Variants in PTPRD observed in about 807,000 individuals in gnomAD.
The protein encoded by PTPRD is protein tyrosine phosphatase receptor type D.
In PTPRD, 34 loss-of-function variants were observed where a neutral mutation model predicts 214.5. The observed-to-expected ratio is 0.16, with a 90% CI of 0.12 to 0.21. The LOEUF (loss-of-function observed/expected upper bound fraction) is 0.21, where lower values mean the gene tolerates loss of function less well. Ranked by LOEUF, PTPRD falls within the 10% of genes least tolerant of loss-of-function variation. The pLI, the probability that PTPRD is intolerant of heterozygous loss-of-function variation, is 1.00. For synonymous variants in PTPRD, 1,128 were observed against 845.7 expected (o/e 1.33, Z -5.79); for missense variants, 2,545 against 2,398.7 (o/e 1.06, Z -1.27).
chr9:10,405,135 C>G (rs1421802290), intron 2 of PTPRD, among the ~76,000 whole-genome samples: 1 of 151,522 alleles, frequency 6.6e-6, no homozygotes, highest in Non-Finnish European at 1.5e-5. Context: ...CAGGCAAGTC[C>G]TAAAGAAACT....
At chr9:10,357,833 T>C (rs1434137834) in intron 2 of PTPRD, among the ~76,000 whole-genome samples, 1 of 152,194 alleles carries the variant, frequency 6.6e-6, no homozygotes. Context: ...AAATGCCTTG[T>C]GATCAAAACC....
intron 9 of PTPRD, among the ~76,000 whole-genome samples, chr9:9,203,324 G>T (rs556501467): frequency 1.2e-4 from 19 of 152,114 alleles, no homozygotes; most frequent in Middle Eastern, 3.4e-3. Context: ...TGGAGTCAGG[G>T]CCACAAAACT....
chr9:9,886,878 T>A (rs1383973280), intron 5 of PTPRD, among the ~76,000 whole-genome samples: 1 of 152,110 alleles, frequency 6.6e-6, no homozygotes, highest in African/African-American at 2.4e-5. Context: ...TTAGACTACA[T>A]GGACATAGAA....
At chr9:10,395,248 C>T (rs977614717) in intron 2 of PTPRD, among the ~76,000 whole-genome samples, 6 of 151,410 alleles carry the variant, frequency 4.0e-5, no homozygotes, top group Admixed American at 3.3e-4. Context: ...CTATCCCTCC[C>T]CCATCCCCCC....
intron 34 of PTPRD, among the ~76,000 whole-genome samples, chr9:8,437,720 G>A (rs563541862): frequency 1.1e-4 from 16 of 152,296 alleles, no homozygotes; most frequent in Admixed American, 9.8e-4. Flanking sequence ...TGGATTCAGG[G>A]AAGTGAGCAA....
chr9:10,135,564 G>A (rs1162009116), intron 3 of PTPRD, among the ~76,000 whole-genome samples: 2 of 152,038 alleles, frequency 1.3e-5, no homozygotes, highest in Non-Finnish European at 2.9e-5. Context: ...GGAAAGATGG[G>A]GGTCTATATT....
At chr9:9,602,851 G>A (rs1325391768) in intron 7 of PTPRD, among the ~76,000 whole-genome samples, 1 of 152,044 alleles carries the variant, frequency 6.6e-6, no homozygotes, top group Non-Finnish European at 1.5e-5. Flanking sequence ...ATTCCCTCAA[G>A]CTATGTCTAT....
intron 9 of PTPRD, among the ~76,000 whole-genome samples, chr9:9,221,424 C>A (rs974918308): frequency 6.6e-6 from 1 of 151,992 alleles, no homozygotes; most frequent in African/African-American, 2.4e-5. Context: ...TGGGCTGCCA[C>A]AACATAATAT....
rs147416391 is a variant in PTPRD at position 8,405,820 on chromosome 9, T to C, written c.4087-1160A>G. 4.5e-3 allele frequency among the ~76,000 whole-genome samples: 682 copies of C among 152,238 alleles called. 5 individuals carry two copies. The highest frequency in any genetic ancestry group is 0.016 in the African/African-American group (656 of 41,546). On this transcript the variant is annotated intron_variant, in intron 35 of 45. Transcript: ENST00000381196. ...TTGATGCCGGGTATTTTTCATGCCT[T>C]TATGTGTATATGTAGAAGTTGGGAG...
At chr9:9,151,980 G>A (rs1467352393) in intron 10 of PTPRD, among the ~76,000 whole-genome samples, 2 of 152,198 alleles carry the variant, frequency 1.3e-5, no homozygotes, top group South Asian at 4.1e-4. Context: ...TTGATTTGGA[G>A]TTTGTTGCTT....
chr9:9,033,078 G>A (rs956913316), intron 10 of PTPRD, among the ~76,000 whole-genome samples: 17 of 152,034 alleles, frequency 1.1e-4, no homozygotes, highest in Admixed American at 2.6e-4. Context: ...ATGGAGATGC[G>A]TTTGTATGCT....
intron 11 of PTPRD, among the ~76,000 whole-genome samples, chr9:8,946,599 A>T (rs186655910): frequency 8.6e-4 from 131 of 152,272 alleles, no homozygotes; most frequent in Admixed American, 2.5e-3. Flanking sequence ...TCTATCCCCA[A>T]GGAAGTGGAG....
intron 8 of PTPRD, among the ~76,000 whole-genome samples, chr9:9,525,545 T>A (rs1165883782): frequency 6.6e-6 from 1 of 152,172 alleles, no homozygotes; most frequent in Middle Eastern, 3.2e-3. Flanking sequence ...GAATAAATTA[T>A]TAATAATACT....
rs142765079 is a variant in PTPRD, at chr9:8,477,796, T to C, written c.3413+6323A>G. On this transcript the variant is annotated intron_variant, in intron 30 of 45. Transcript: ENST00000381196. ...CTTCTTTTGGAGTTTTAATCAGTTATCAATTGACCTAGGAAAAAAAAAAAT... is the reference window on the plus strand; with the variant it reads ...CTTCTTTTGGAGTTTTAATCAGTTACCAATTGACCTAGGAAAAAAAAAAAT... 5.2e-3 allele frequency among the ~76,000 whole-genome samples: 792 copies of C among 152,106 alleles called. 6 individuals are homozygous for C. The highest frequency in any genetic ancestry group is 0.018 in the African/African-American group (751 of 41,446).
intron 5 of PTPRD, among the ~76,000 whole-genome samples, chr9:9,820,053 G>C (rs1316010047): frequency 6.6e-6 from 1 of 152,144 alleles, no homozygotes; most frequent in African/African-American, 2.4e-5. Context: ...TGTTCTTTGA[G>C]AAGTCTCCAA....
chr9:10,461,672 G>C (rs537995100), intron 2 of PTPRD, among the ~76,000 whole-genome samples: 43 of 150,652 alleles, frequency 2.9e-4, no homozygotes, highest in Non-Finnish European at 5.2e-4. Flanking sequence ...TCCCAGGCTG[G>C]AGTGCAGTGG....
At chr9:10,504,829 C>T (rs2045353949) in intron 2 of PTPRD, among the ~76,000 whole-genome samples, 6 of 152,198 alleles carry the variant, frequency 3.9e-5, no homozygotes, top group Admixed American at 6.5e-5. Context: ...CACATGCCTT[C>T]TCCCTGCCAA....
At chr9:9,343,052 G>T (rs1280198527) in intron 9 of PTPRD, among the ~76,000 whole-genome samples, 7 of 152,166 alleles carry the variant, frequency 4.6e-5, no homozygotes, top group African/African-American at 1.7e-4. Context: ...TCCCTGCAAA[G>T]GACATGAACT....
intron 12 of PTPRD, chr9:8,713,236 T>C (rs1001288225): frequency 5.4e-5 from 33 of 616,090 alleles, no homozygotes; most frequent in Admixed American, 1.4e-4. Flanking sequence ...GCTCCTAAAC[T>C]GAGTCTCCAA....
Sources: gnomAD v4.1 joint callset for allele counts (sites outside exome capture counted in the v4.1 genomes callset) on GRCh38, gnomAD v4.1.1 for gene constraint, MANE v1.5 for transcripts, NCBI Gene and HGNC (gene_info 2026-07-23, HGNC 2026-07-21) for gene names.